Variants in GPATCH8 observed in about 807,000 individuals in gnomAD.
GPATCH8 encodes the protein G patch domain-containing protein 8.
GPATCH8 carries 18 observed loss-of-function variants against 118.3 expected under a neutral mutation model. That is an observed-to-expected ratio of 0.15 (90% CI 0.11 to 0.23). GPATCH8 has a LOEUF of 0.23. Ranked by LOEUF, GPATCH8 falls within the 10% of genes least tolerant of loss-of-function variation. The pLI, the probability that GPATCH8 is intolerant of heterozygous loss-of-function variation, is 1.00. For missense variants in GPATCH8, 1,631 were observed against 1,873.8 expected (o/e 0.87, Z 2.39); for synonymous variants, 659 against 684.7 (o/e 0.96, Z 0.59).
At chr17:44,500,316 T>C (rs1377841374) in intron 1 of GPATCH8, among the ~76,000 whole-genome samples, 5 of 152,172 alleles carry the variant, frequency 3.3e-5, no homozygotes, top group African/African-American at 9.7e-5. Flanking sequence ...GTAATAACAG[T>C]ACCTACCTCG....
intron 1 of GPATCH8, among the ~76,000 whole-genome samples, chr17:44,496,563 C>T (rs1050583644): frequency 2.6e-5 from 4 of 152,154 alleles, no homozygotes; most frequent in African/African-American, 4.8e-5. Context: ...TTGAGTGACA[C>T]GCACACAGGA....
At chr17:44,459,731 T>TAA (rs148766076) in intron 3 of GPATCH8, among the ~76,000 whole-genome samples, 2 of 147,018 alleles carry the variant, frequency 1.4e-5, no homozygotes, top group South Asian at 2.1e-4. Context: ...CTACAGCAGT[T>TAA]AAAAAAAAAA....
intron 1 of GPATCH8, among the ~76,000 whole-genome samples, chr17:44,497,239 T>C (rs1969722557): frequency 6.6e-6 from 1 of 152,342 alleles, no homozygotes; most frequent in Non-Finnish European, 1.5e-5. Flanking sequence ...ATGAAAACTT[T>C]ACATAGGTTT....
intron 1 of GPATCH8, among the ~76,000 whole-genome samples, chr17:44,483,823 T>C (rs1968545681): frequency 8.2e-6 from 1 of 121,488 alleles, no homozygotes; most frequent in Admixed American, 9.5e-5. Context: ...TGTTTGGTTG[T>C]TTTTGTTGTT....
intron 6 of GPATCH8, among the ~76,000 whole-genome samples, chr17:44,420,519 AC>A (rs1191804186): frequency 6.6e-6 from 1 of 152,150 alleles, no homozygotes; most frequent in African/African-American, 2.4e-5. Flanking sequence ...GTAGTATCAC[AC>A]CCTTAGTTGG....
intron 5 of GPATCH8, among the ~76,000 whole-genome samples, chr17:44,430,665 G>GTC (rs2050273462): frequency 6.6e-6 from 1 of 151,718 alleles, no homozygotes; most frequent in South Asian, 2.1e-4. Context: ...TTGAGATAGA[G>GTC]TCTCACTCTG....
chr17:44,423,022 ACTTTGG>A (rs2049968880), intron 6 of GPATCH8, among the ~76,000 whole-genome samples: 2 of 151,700 alleles, frequency 1.3e-5, no homozygotes, highest in African/African-American at 4.8e-5. Flanking sequence ...TAATCCCAGC[ACTTTGG>A]GAGGCCGAGG....
intron 7 of GPATCH8, among the ~76,000 whole-genome samples, chr17:44,403,510 C>T (rs960058940): frequency 5.3e-5 from 8 of 151,810 alleles, no homozygotes; most frequent in African/African-American, 1.5e-4. Flanking sequence ...TGAGCCACTG[C>T]GCATCTGGCT....
At chr17:44,423,495 G>C (rs1404632499) in intron 6 of GPATCH8, among the ~76,000 whole-genome samples, 1 of 152,050 alleles carries the variant, frequency 6.6e-6, no homozygotes, top group East Asian at 1.9e-4. Flanking sequence ...AAAAATCTTA[G>C]TTCAACAAGT....
chr17:44,451,768 A>G (rs1336798952), intron 3 of GPATCH8, among the ~76,000 whole-genome samples: 1 of 152,208 alleles, frequency 6.6e-6, no homozygotes, highest in Non-Finnish European at 1.5e-5. Context: ...CAAGTGCCCT[A>G]CGAGAATATA....
chr17:44,464,897 C>T lies in GPATCH8; in HGVS notation c.121-353G>A, dbSNP rs1026923307. On this transcript the variant is annotated intron_variant, in intron 2 of 7. Coordinates refer to ENST00000591680, the MANE Select transcript of GPATCH8 (RefSeq NM_001002909.4). ...AAAGCATAAAATCAAGGTACTTATACAGTCATATCCACCACCTAAACAGCA... is the reference window on the plus strand; with the variant it reads ...AAAGCATAAAATCAAGGTACTTATATAGTCATATCCACCACCTAAACAGCA... 7.9e-5 allele frequency: 20 copies of T among 253,870 alleles called. No homozygotes were observed. The Admixed American group carries it at 1.0e-3, about 13-fold the overall frequency. 15.7% of individuals were successfully genotyped at this position (253,870 alleles called of 1,614,324 possible).
At chr17:44,435,971 G>A (rs1344115105) in intron 4 of GPATCH8, among the ~76,000 whole-genome samples, 1 of 140,710 alleles carries the variant, frequency 7.1e-6, no homozygotes, top group African/African-American at 2.6e-5. Flanking sequence ...GGAGGTTGCA[G>A]TGAGCCGAGA....
chr17:44,489,145 G>C (rs1482896596), intron 1 of GPATCH8, among the ~76,000 whole-genome samples: 1 of 151,936 alleles, frequency 6.6e-6, no homozygotes, highest in Admixed American at 6.6e-5. Context: ...CAATTAAGAG[G>C]AAAAAATCAA....
Position 44,401,285 on chromosome 17 carries a change from T to C in GPATCH8, c.792A>G (p.Val264=). 1 of 1,612,238 alleles carries C rather than the reference T, an allele frequency of 6.2e-7. No homozygotes were observed. The highest frequency in any genetic ancestry group is 8.5e-7 in the Non-Finnish European group (1 of 1,178,944). ...STDKGGPFTA[V]QITNTTGLAQ... is the part of the protein sequence containing the mutation. ...CCAGTCCAGTGGTATTAGTGATTTG[T>C]ACTGCAGTGAAAGGGCCTCCTTTAT... The change falls in exon 8 of 8, where the codon GTA becomes GTG. Residue 264 remains valine (V), a synonymous_variant. Coordinates refer to ENST00000591680, the MANE Select transcript of GPATCH8 (RefSeq NM_001002909.4).
chr17:44,406,525 A>C (rs2049238374), intron 6 of GPATCH8, among the ~76,000 whole-genome samples: 1 of 145,680 alleles, frequency 6.9e-6, no homozygotes, highest in Non-Finnish European at 1.5e-5. Context: ...AAATTAGAAC[A>C]AATAGAAAGC....
At chr17:44,428,249 T>C (rs183724925) in intron 5 of GPATCH8, among the ~76,000 whole-genome samples, 9 of 152,082 alleles carry the variant, frequency 5.9e-5, no homozygotes, top group Non-Finnish European at 1.2e-4. Flanking sequence ...TCCCAGCACT[T>C]TGGGAGGCCG....
In GPATCH8 at chr17:44,421,698, G is replaced by A. The variant is rs374115024; in HGVS notation, c.492+2651C>T. On this transcript the variant is annotated intron_variant, in intron 6 of 7. Coordinates refer to ENST00000591680, the MANE Select transcript of GPATCH8 (RefSeq NM_001002909.4). ...GTTAAAACTTGACTCTGAAGTCATC[G>A]ACTAGTGTGTAACCTTTCTTTCTTT... Among the ~76,000 whole-genome samples, 206 of 147,476 alleles carry A rather than the reference G, an allele frequency of 1.4e-3. 1 individual carries two copies. Among genetic ancestry groups the A allele is most frequent in the Middle Eastern group, 8.5e-3 (2 of 236 alleles).
rs903290384 is a variant in GPATCH8 at position 44,396,298 on chromosome 17, T to G, written c.*1270A>C. 1 of 454,292 alleles carries G rather than the reference T, an allele frequency of 2.2e-6. No individual in the cohort carries two copies. Among genetic ancestry groups the G allele is most frequent in the African/African-American group, 2.0e-5 (1 of 49,944 alleles). 28.1% of individuals were successfully genotyped at this position (454,292 alleles called of 1,614,324 possible). ...ATAAAGCTGTTGAATCCCCTCCTTC[T>G]CCTCTGTGGGGTCTACCTGTTTCTC... On this transcript the variant is annotated 3_prime_UTR_variant, in exon 8 of 8. Coordinates refer to ENST00000591680, the MANE Select transcript of GPATCH8 (RefSeq NM_001002909.4).
chr17:44,437,585 T>C (rs1303177554), intron 3 of GPATCH8, among the ~76,000 whole-genome samples: 7 of 151,986 alleles, frequency 4.6e-5, no homozygotes, highest in Admixed American at 2.6e-4. Context: ...CATATATATA[T>C]ACATATATTA....
Sources: gnomAD v4.1 joint callset for allele counts (sites outside exome capture counted in the v4.1 genomes callset) on GRCh38, gnomAD v4.1.1 for gene constraint, MANE v1.5 for transcripts, NCBI Gene and HGNC (gene_info 2026-07-23, HGNC 2026-07-21) for gene names.